KYAT1: variants seen among roughly 807,000 people sequenced by gnomAD.
KYAT1 encodes kynurenine--oxoglutarate transaminase 1.
Under a neutral mutation model 52.4 loss-of-function variants are expected in KYAT1, and 47 were observed. The observed-to-expected ratio is 0.90, with a 90% CI of 0.71 to 1.14. The LOEUF is 1.14. Among genes scored for constraint, KYAT1 ranks in the 50% most tolerant of loss-of-function variants. The pLI, the probability that KYAT1 is intolerant of heterozygous loss-of-function variation, is 0.00. For missense variants in KYAT1, 480 were observed against 557.9 expected (o/e 0.86, Z 1.41); for synonymous variants, 212 against 209.6 (o/e 1.01, Z -0.10).
At chr9:128,874,458 C>G (rs572350076) in intron 1 of KYAT1, among the ~76,000 whole-genome samples, 1 of 150,662 alleles carries the variant, frequency 6.6e-6, no homozygotes, top group South Asian at 2.1e-4. Context: ...ACAATAAGCA[C>G]GAACCACCAT....
chr9:128,866,857 G>C (rs892130249), intron 1 of KYAT1, among the ~76,000 whole-genome samples: 6 of 151,114 alleles, frequency 4.0e-5, no homozygotes, highest in African/African-American at 1.5e-4. Flanking sequence ...GGTGAACTGA[G>C]ATCGTGCCAC....
In KYAT1 at chr9:128,838,105, G is replaced by A. The variant is rs1047703673; in HGVS notation, c.384C>T (p.Tyr128=). ...VIIIEPFFDC[Y]EPMTMMAGGR... ...CCCCTGCCATCATTGTCATGGGCTC[G>A]TAGCAGTCAAAAAAGGGTTCGATGA... Residue 128 remains tyrosine, a synonymous_variant, in exon 5 of 13, where the codon TAC becomes TAT. Transcript: ENST00000302586. 5 of 1,614,074 alleles carry A rather than the reference G, an allele frequency of 3.1e-6. No homozygotes were observed. The highest frequency in any genetic ancestry group is 1.3e-5 in the African/African-American group (1 of 74,996).
intron 1 of KYAT1, among the ~76,000 whole-genome samples, chr9:128,871,098 C>T (rs905717602): frequency 6.6e-6 from 1 of 152,034 alleles, no homozygotes; most frequent in African/African-American, 2.4e-5. Context: ...GGGTAGATTG[C>T]TTGAGCTCAG....
At chr9:128,868,622 G>T (rs535074446) in intron 1 of KYAT1, among the ~76,000 whole-genome samples, 1 of 151,658 alleles carries the variant, frequency 6.6e-6, no homozygotes, top group African/African-American at 2.4e-5. Context: ...CTACAGCCTT[G>T]TTCTCATAGA....
chr9:128,836,251 T>TCTTTC (rs1831084762), intron 7 of KYAT1, 178 bp from the exon 8 acceptor site: 82 of 468,366 alleles, frequency 1.8e-4, no homozygotes, highest in East Asian at 2.5e-4. Flanking sequence ...CCTTCCTTCT[T>TCTTTC]TCTCTCTCTC....
At chr9:128,874,997 T>C (rs1837771881) in intron 1 of KYAT1, among the ~76,000 whole-genome samples, 1 of 152,048 alleles carries the variant, frequency 6.6e-6, no homozygotes. Flanking sequence ...AGTGCTGGGA[T>C]TACAGGCGTG....
intron 3 of KYAT1, among the ~76,000 whole-genome samples, chr9:128,839,872 A>G (rs1317313053): frequency 6.7e-6 from 1 of 150,314 alleles, no homozygotes; most frequent in Non-Finnish European, 1.5e-5. Flanking sequence ...GGCAACACAG[A>G]GGGACTCTGT....
chr9:128,847,402 G>A, intron 1 of KYAT1: 1 of 1,427,990 alleles, frequency 7.0e-7, no homozygotes. Flanking sequence ...AGGCCATGCA[G>A]GTGGCAGAGT....
At chr9:128,857,081 T>C (rs1024261352) in intron 1 of KYAT1, among the ~76,000 whole-genome samples, 5 of 152,258 alleles carry the variant, frequency 3.3e-5, no homozygotes, top group African/African-American at 7.2e-5. Context: ...TGCTGCCTTG[T>C]TATTCTTTAC....
chr9:128,833,479 C>T lies in KYAT1; in HGVS notation c.*105G>A. 8.4e-7 allele frequency: 1 copy of T among 1,186,418 alleles called. No individual in the cohort carries two copies. Among genetic ancestry groups the T allele is most frequent in the Non-Finnish European group, 1.2e-6 (1 of 801,416 alleles). 73.5% of individuals were successfully genotyped at this position (1,186,418 alleles called of 1,614,324 possible). On this transcript the variant is annotated 3_prime_UTR_variant, in exon 13 of 13. Transcript: ENST00000302586. ...TCACGGAGAAGAGGTTTCCCAATAG[C>T]ATCTTCCCCAACCTAGAAATGTCTG... is the stretch of plus-strand genomic sequence containing the variant.
At chr9:128,868,896 G>A (rs1836814939) in intron 1 of KYAT1, among the ~76,000 whole-genome samples, 1 of 151,874 alleles carries the variant, frequency 6.6e-6, no homozygotes, top group Non-Finnish European at 1.5e-5. Context: ...AGTAGAGACG[G>A]GGTTTCACCA....
intron 1 of KYAT1, among the ~76,000 whole-genome samples, chr9:128,861,683 C>T (rs1398409331): frequency 6.6e-6 from 1 of 152,200 alleles, no homozygotes; most frequent in African/African-American, 2.4e-5. Context: ...AGTGTTACTG[C>T]CATCCCAGGA....
intron 1 of KYAT1, among the ~76,000 whole-genome samples, chr9:128,867,313 G>A (rs925429451): frequency 9.9e-5 from 15 of 152,064 alleles, no homozygotes; most frequent in African/African-American, 3.4e-4. Flanking sequence ...CCAAGTAGCT[G>A]GGACCACATG....
intron 1 of KYAT1, among the ~76,000 whole-genome samples, chr9:128,847,202 A>G (rs1833236324): frequency 6.6e-6 from 1 of 152,224 alleles, no homozygotes; most frequent in African/African-American, 2.4e-5. Flanking sequence ...GGATGGGCAC[A>G]GGGGATCATG....
chr9:128,875,248 GTTTTTTTTTT>G (rs1201067985), intron 1 of KYAT1, among the ~76,000 whole-genome samples: 5 of 108,344 alleles, frequency 4.6e-5, no homozygotes, highest in Non-Finnish European at 1.0e-4. Context: ...GTTTTTTTTT[GTTTTTTTTTT>G]TTTTTTGGTT....
intron 1 of KYAT1, chr9:128,859,957 G>A (rs1212557766): frequency 1.3e-5 from 2 of 152,102 alleles, no homozygotes; most frequent in Non-Finnish European, 2.9e-5. Context: ...GCAATTAATG[G>A]AGGCTGAGAA....
At chr9:128,863,480 A>AT (rs1408898812) in intron 1 of KYAT1, among the ~76,000 whole-genome samples, 1 of 151,534 alleles carries the variant, frequency 6.6e-6, no homozygotes, top group Non-Finnish European at 1.5e-5. Flanking sequence ...AAAAAAAAAA[A>AT]CCAAAACAAC....
intron 1 of KYAT1, among the ~76,000 whole-genome samples, chr9:128,862,402 C>T (rs1212959167): frequency 2.0e-5 from 3 of 152,246 alleles, no homozygotes; most frequent in Admixed American, 1.3e-4. Context: ...AAAGCAAGTG[C>T]TATCCTCACC....
rs781352323 is a variant in KYAT1, at chr9:128,835,642, C to T, written c.881G>A (p.Arg294Gln). ...GGGTTGGCGGAAGAGCAGCTGCTCC[C>T]GTTCAAAGCTCTCGGCTACTGCAGC... ...SQAAVAESFE[R>Q]EQLLFRQPSS... Residue 294 changes from arginine to glutamine, a missense_variant, in exon 10 of 13, where the codon CGG becomes CAG. By Grantham distance (43) the Arg-to-Gln change is conservative (BLOSUM62 1). Coordinates refer to ENST00000302586, the MANE Select transcript of KYAT1 (RefSeq NM_004059.5). 2.6e-5 allele frequency: 42 copies of T among 1,610,864 alleles called. No individual in the cohort carries two copies. In the East Asian group the frequency reaches 7.6e-4, roughly 29 times the overall value.
Sources: gnomAD v4.1 joint callset for allele counts (sites outside exome capture counted in the v4.1 genomes callset) on GRCh38, gnomAD v4.1.1 for gene constraint, MANE v1.5 for transcripts, NCBI Gene and HGNC (gene_info 2026-07-23, HGNC 2026-07-21) for gene names.